RASL12: variants seen among roughly 807,000 people sequenced by gnomAD.
The protein encoded by RASL12 is RAS like family 12.
Under a neutral mutation model 22.9 loss-of-function variants are expected in RASL12, and 16 were observed. That is an observed-to-expected ratio of 0.70 (90% CI 0.47 to 1.06). The LOEUF is 1.06. Among genes scored for constraint, RASL12 ranks in the 50% least tolerant of loss-of-function variants. RASL12 has a pLI of 0.00. For synonymous variants in RASL12, 159 were observed against 152.2 expected (o/e 1.04, Z -0.33); for missense variants, 306 against 353.1 (o/e 0.87, Z 1.07).
chr15:65,053,040 G>A, downstream of RASL12: 1 of 1,613,936 alleles, frequency 6.2e-7, no homozygotes, highest in Non-Finnish European at 8.5e-7. Context: ...GATCACAACA[G>A]CCTAAACAAC....
intron 4 of RASL12, among the ~76,000 whole-genome samples, chr15:65,057,071 C>T (rs767852108): frequency 1.3e-5 from 2 of 152,204 alleles, no homozygotes; most frequent in Non-Finnish European, 2.9e-5. Context: ...CACATGACTT[C>T]CCTCATTCTC....
intron 1 of RASL12, among the ~76,000 whole-genome samples, chr15:65,065,740 G>T (rs565164936): frequency 5.9e-5 from 9 of 152,200 alleles, no homozygotes; most frequent in Non-Finnish European, 1.3e-4. Context: ...TGATCTTTGG[G>T]AAGGGTATAA....
At chr15:65,055,335 C>A in intron 4 of RASL12, 61 bp from the exon 5 acceptor site, 2 of 1,428,920 alleles carry the variant, frequency 1.4e-6, no homozygotes, top group South Asian at 2.7e-5. Flanking sequence ...TCAGGCAGAC[C>A]AGCTCCTACA....
chr15:65,054,268 T>C lies in RASL12; in HGVS notation c.*631A>G. ...TGGACAACCTACAGTCCCTCCCTTT[T>C]ATCCTCATTGAGACGCCAAGTGTTG... is the stretch of plus-strand genomic sequence containing the variant. On this transcript the variant is annotated 3_prime_UTR_variant, in exon 5 of 5. Coordinates refer to ENST00000220062, the MANE Select transcript of RASL12 (RefSeq NM_016563.4). The C allele has an allele frequency of 1.0e-6, 1 of 985,934 alleles. No individual in the cohort carries two copies. Among genetic ancestry groups the C allele is most frequent in the South Asian group, 4.7e-5 (1 of 21,294 alleles). 61.1% of individuals were successfully genotyped at this position (985,934 alleles called of 1,614,324 possible). A position where few individuals can be genotyped will look rare whatever the true frequency, so the allele number is the denominator to read the frequency against.
At chr15:65,051,799 AC>A (rs763660015), downstream of RASL12, among the ~76,000 whole-genome samples, 1,330 of 151,778 alleles carry the variant, frequency 8.8e-3, 12 homozygotes, top group Middle Eastern at 0.027. Flanking sequence ...AAAAACAGCA[AC>A]AGTCCCTGAT....
At chr15:65,049,956 G>A, downstream of RASL12, 1 of 1,468,322 alleles carries the variant, frequency 6.8e-7, no homozygotes, top group Non-Finnish European at 9.3e-7. Flanking sequence ...GGGCTGCTGG[G>A]GCTAAGGGGT....
intron 2 of RASL12, among the ~76,000 whole-genome samples, chr15:65,061,987 A>G (rs1210850643): frequency 6.6e-6 from 1 of 151,654 alleles, no homozygotes; most frequent in African/African-American, 2.4e-5. Context: ...AGGCTGAGGC[A>G]GGAGAATGGT....
At chr15:65,076,481 A>T (rs1394236003) in intron 1 of RASL12, 3 of 664,140 alleles carry the variant, frequency 4.5e-6, no homozygotes, top group Non-Finnish European at 8.2e-6. Flanking sequence ...TCTGAACATC[A>T]GAAAGGACAG....
intron 4 of RASL12, among the ~76,000 whole-genome samples, chr15:65,055,558 A>G (rs747108084): frequency 7.9e-5 from 12 of 152,268 alleles, no homozygotes; most frequent in Non-Finnish European, 1.5e-4. Flanking sequence ...GAATTTTGGG[A>G]TGAGGGTAAG....
intron 1 of RASL12, among the ~76,000 whole-genome samples, chr15:65,075,067 G>A (rs1257700098): frequency 1.3e-5 from 2 of 152,222 alleles, no homozygotes; most frequent in African/African-American, 4.8e-5. Context: ...GGCGCTTGCG[G>A]GCCAGCTGGA....
At chr15:65,064,174 G>C (rs1433883429) in intron 2 of RASL12, among the ~76,000 whole-genome samples, 2 of 152,216 alleles carry the variant, frequency 1.3e-5, no homozygotes, top group Non-Finnish European at 2.9e-5. Flanking sequence ...AAGCTATTGT[G>C]TATGGGAATC....
the RASL12 span, among the ~76,000 whole-genome samples, chr15:65,046,623 CAT>C: frequency 6.6e-6 from 1 of 151,806 alleles, no homozygotes; most frequent in Non-Finnish European, 1.5e-5. Context: ...ATATTTTAAA[CAT>C]ATTTTGGCCA....
chr15:65,048,907 G>A (rs920712793), downstream of RASL12, among the ~76,000 whole-genome samples: 1 of 151,810 alleles, frequency 6.6e-6, no homozygotes, highest in Non-Finnish European at 1.5e-5. Flanking sequence ...CTACTTAGGA[G>A]GCTGAGACAG....
At chr15:65,059,513 C>G (rs1322931966) in intron 2 of RASL12, 95 bp from the exon 3 acceptor site, 2 of 930,732 alleles carry the variant, frequency 2.1e-6, no homozygotes, top group Admixed American at 1.9e-5. Context: ...CTGGGGGGAC[C>G]TTAGCAGCTG....
At position 65,053,975 on chromosome 15, in the gene RASL12, G is replaced by T; in HGVS notation, c.*924C>A. Reference sequence around the variant, plus strand: ...TGAACACTCAGACTCATTGCTGAGGGTCCTGGGTCCTGCCAAACCAGATGA... The same window carrying T: ...TGAACACTCAGACTCATTGCTGAGGTTCCTGGGTCCTGCCAAACCAGATGA... On this transcript the variant is annotated 3_prime_UTR_variant, in exon 5 of 5. Transcript: ENST00000220062. The T allele has an allele frequency of 1.0e-6, 1 of 985,748 alleles. No homozygotes were observed. Among genetic ancestry groups the T allele is most frequent in the Admixed American group, 6.1e-5 (1 of 16,268 alleles). 61.1% of individuals were successfully genotyped at this position (985,748 alleles called of 1,614,324 possible). A position where few individuals can be genotyped will look rare whatever the true frequency, so the allele number is the denominator to read the frequency against.
chr15:65,070,178 A>T (rs923163794), upstream of RASL12, among the ~76,000 whole-genome samples: 3 of 152,220 alleles, frequency 2.0e-5, no homozygotes, highest in Admixed American at 1.3e-4. Context: ...CAAGGTGGGA[A>T]GATAGCTTCA....
chr15:65,050,952 C>T (rs936005844), downstream of RASL12, among the ~76,000 whole-genome samples: 1 of 144,034 alleles, frequency 6.9e-6, no homozygotes, highest in Non-Finnish European at 1.5e-5. Flanking sequence ...TCAAGTGATT[C>T]TCATGCCTCA....
chr15:65,068,204 G>T, upstream of RASL12: 3 of 993,400 alleles, frequency 3.0e-6, no homozygotes, highest in Non-Finnish European at 3.6e-6. The surrounding 1 kb of genome is among the most constrained non-coding windows in gnomAD (Gnocchi z 4.2). Context: ...AAACCCGGCC[G>T]GGAAGGAGCA....
chr15:65,067,481 A>G (rs1195067223), intron 1 of RASL12, among the ~76,000 whole-genome samples: 1 of 152,064 alleles, frequency 6.6e-6, no homozygotes, highest in African/African-American at 2.4e-5. Context: ...AGACAGTGGG[A>G]AGACACAAAG....
Sources: gnomAD v4.1 joint callset for allele counts (sites outside exome capture counted in the v4.1 genomes callset) on GRCh38, gnomAD v4.1.1 for gene constraint, Gnocchi (gnomAD v3.1) non-coding constraint, MANE v1.5 for transcripts, NCBI Gene and HGNC (gene_info 2026-07-23, HGNC 2026-07-21) for gene names.